Variants in SLC25A40 observed in about 807,000 individuals in gnomAD.
SLC25A40 encodes the protein solute carrier family 25 member 40.
Under a neutral mutation model 46.5 loss-of-function variants are expected in SLC25A40, and 41 were observed. The observed-to-expected ratio is 0.88, with a 90% CI of 0.69 to 1.14. The LOEUF (loss-of-function observed/expected upper bound fraction) is 1.14. Among genes scored for constraint, SLC25A40 ranks in the 50% most tolerant of loss-of-function variants. The probability of loss-of-function intolerance (pLI) is 0.00; values close to 1 mark genes in which losing one functional copy is unlikely to be tolerated. For synonymous variants in SLC25A40, 126 were observed against 127.5 expected (o/e 0.99, Z 0.08); for missense variants, 386 against 393.6 (o/e 0.98, Z 0.16).
In SLC25A40 at chr7:87,834,800, A is replaced by G. The variant is rs1838235340; in HGVS notation, c.*1449T>C. On this transcript the variant is annotated 3_prime_UTR_variant, in exon 12 of 12. Coordinates refer to ENST00000341119, the MANE Select transcript of SLC25A40 (RefSeq NM_018843.4). ...ATTTAGAAGCACAGTGATGATTTTA[A>G]GAAGCCATAAAACATTTTAATGAAA... is the stretch of plus-strand genomic sequence containing the variant. 2 of 151,448 alleles carry G rather than the reference A, an allele frequency of 1.3e-5. No individual in the cohort carries two copies. The highest frequency in any genetic ancestry group is 4.9e-5 in the African/African-American group (2 of 41,152). 9.4% of individuals were successfully genotyped at this position (151,448 alleles called of 1,614,324 possible). A position where few individuals can be genotyped will look rare whatever the true frequency, so the allele number is the denominator to read the frequency against.
At chr7:87,844,878 T>A (rs949075555) in intron 8 of SLC25A40, among the ~76,000 whole-genome samples, 1 of 152,112 alleles carries the variant, frequency 6.6e-6, no homozygotes, top group African/African-American at 2.4e-5. Flanking sequence ...CTTGAATCTC[T>A]CCTAAAACAA....
chr7:87,848,948 A>G (rs1242898200), intron 6 of SLC25A40, among the ~76,000 whole-genome samples: 1 of 152,302 alleles, frequency 6.6e-6, no homozygotes, highest in Admixed American at 6.5e-5. Context: ...AAATTGACTA[A>G]TTTCCTCCAT....
intron 6 of SLC25A40, 65 bp from the exon 7 acceptor site, chr7:87,848,042 A>G (rs750860121): frequency 1.2e-5 from 18 of 1,514,974 alleles, no homozygotes; most frequent in Non-Finnish European, 1.6e-5. Flanking sequence ...CTTAACTTAA[A>G]TTCAAATATT....
chr7:87,862,160 T>C (rs948666615), intron 1 of SLC25A40, among the ~76,000 whole-genome samples: 7 of 152,192 alleles, frequency 4.6e-5, no homozygotes, highest in Non-Finnish European at 1.0e-4. Context: ...AACCTACTTA[T>C]CTTTTTTCTG....
At chr7:87,872,036 G>T (rs1006215537) in intron 1 of SLC25A40, among the ~76,000 whole-genome samples, 6 of 152,118 alleles carry the variant, frequency 3.9e-5, no homozygotes, top group African/African-American at 1.4e-4. Context: ...ATTTATTAAA[G>T]ATCTTAATAA....
Position 87,835,460 on chromosome 7 carries a change from A to T in SLC25A40, c.*789T>A, listed in dbSNP as rs1339324046. On this transcript the variant is annotated 3_prime_UTR_variant, in exon 12 of 12. Coordinates refer to ENST00000341119, the MANE Select transcript of SLC25A40 (RefSeq NM_018843.4). Reference sequence around the variant, plus strand: ...AATCAGAGGCTATTCCTGTGTGCAAACTATTTTTACCAGTCTAAATACTAT... The same window carrying T: ...AATCAGAGGCTATTCCTGTGTGCAATCTATTTTTACCAGTCTAAATACTAT... 1.3e-5 allele frequency: 2 copies of T among 151,616 alleles called. No homozygotes were observed. Among genetic ancestry groups the T allele is most frequent in the Non-Finnish European group, 3.0e-5 (2 of 67,698 alleles). The allele number at this position is 151,616 out of a possible 1,614,324, so 9.4% of individuals were successfully genotyped here. A position where few individuals can be genotyped will look rare whatever the true frequency, so the allele number is the denominator to read the frequency against.
intron 9 of SLC25A40, among the ~76,000 whole-genome samples, chr7:87,843,356 G>A (rs889314925): frequency 6.6e-6 from 1 of 151,990 alleles, no homozygotes; most frequent in East Asian, 1.9e-4. Flanking sequence ...AGGACAAAAT[G>A]TTTCCAAAGA....
At chr7:87,845,265 T>C (rs959529713) in intron 8 of SLC25A40, among the ~76,000 whole-genome samples, 6 of 152,174 alleles carry the variant, frequency 3.9e-5, no homozygotes, top group Non-Finnish European at 5.9e-5. Context: ...CAATTATGGT[T>C]ATTCAATAGA....
Position 87,866,259 on chromosome 7 carries a change from A to G in SLC25A40, c.-93-5619T>C, listed in dbSNP as rs559672612. 6.6e-5 allele frequency among the ~76,000 whole-genome samples: 10 copies of G among 152,216 alleles called. No homozygotes were observed. In the South Asian group the frequency reaches 1.5e-3, roughly 22 times the overall value. On this transcript the variant is annotated intron_variant, in intron 1 of 11. Coordinates refer to ENST00000341119, the MANE Select transcript of SLC25A40 (RefSeq NM_018843.4). Reference sequence around the variant, plus strand: ...TGAATCCTCCTAGCTTTTGTCTAGGAAAGACTTTATCTGGCCTTCACATTT... The same window carrying G: ...TGAATCCTCCTAGCTTTTGTCTAGGGAAGACTTTATCTGGCCTTCACATTT...
intron 1 of SLC25A40, among the ~76,000 whole-genome samples, chr7:87,874,304 C>T (rs1562752640): frequency 6.6e-6 from 1 of 152,104 alleles, no homozygotes; most frequent in Admixed American, 6.5e-5. Context: ...TTCACAAGAC[C>T]ATAAAATGGG....
At chr7:87,863,419 G>A (rs1202557096) in intron 1 of SLC25A40, among the ~76,000 whole-genome samples, 1 of 151,918 alleles carries the variant, frequency 6.6e-6, no homozygotes, top group Non-Finnish European at 1.5e-5. Flanking sequence ...CTGCCACCAT[G>A]TGAAGGACAT....
In SLC25A40 at chr7:87,836,782, C is replaced by G; in HGVS notation, c.852G>C (p.Trp284Cys). The change falls in exon 11 of 12, where the codon TGG becomes TGC. Residue 284 changes from tryptophan (W) to cysteine (C), a missense_variant. Physicochemically the swap from Trp to Cys is radical, Grantham distance 215 (BLOSUM62 -2). Coordinates refer to ENST00000341119, the MANE Select transcript of SLC25A40 (RefSeq NM_018843.4). Reference sequence around the variant, plus strand: ...TAGCAACAATGTTCTTCATTATAATCCAGGTTGACATATGCAAAGGCATAG... The same window carrying G: ...TAGCAACAATGTTCTTCATTATAATGCAGGTTGACATATGCAAAGGCATAG... ...KISMPLHMST[W>C]IIMKNIVAKN... is the part of the protein sequence containing the mutation. The G allele has an allele frequency of 6.5e-7, 1 of 1,530,020 alleles. No individual in the cohort carries two copies. The allele number at this position is 1,530,020 out of a possible 1,614,324, so 94.8% of individuals were successfully genotyped here. A position where few individuals can be genotyped will look rare whatever the true frequency, so the allele number is the denominator to read the frequency against.
intron 1 of SLC25A40, among the ~76,000 whole-genome samples, chr7:87,862,037 G>C (rs10237201): frequency 0.11 from 16,097 of 151,634 alleles, 1,079 homozygotes; most frequent in African/African-American, 0.19. Context: ...AAGGCAAAAC[G>C]CTACTCCCAG....
At position 87,864,628 on chromosome 7, in the gene SLC25A40, C is replaced by A. The variant is rs74771386; in HGVS notation, c.-93-3988G>T. Among the ~76,000 whole-genome samples, 834 of 152,294 alleles carry A rather than the reference C, an allele frequency of 5.5e-3. 27 individuals carry two copies. The East Asian group carries it at 0.085, about 16-fold the overall frequency. On this transcript the variant is annotated intron_variant, in intron 1 of 11. Coordinates refer to ENST00000341119, the MANE Select transcript of SLC25A40 (RefSeq NM_018843.4). ...CCTATTTTACATATGCATAGCTAGT[C>A]CAGATCCTTTTTGGTTTCCACTCGC... is the stretch of plus-strand genomic sequence containing the variant.
chr7:87,849,824 T>C, intron 6 of SLC25A40, 57 bp downstream of exon 6: 2 of 1,245,882 alleles, frequency 1.6e-6, no homozygotes, highest in Non-Finnish European at 2.3e-6. Flanking sequence ...ACCATGCTGA[T>C]TATAGGATAA....
At chr7:87,858,416 T>C (rs886229134) in intron 3 of SLC25A40, among the ~76,000 whole-genome samples, 1 of 152,220 alleles carries the variant, frequency 6.6e-6, no homozygotes, top group Non-Finnish European at 1.5e-5. Flanking sequence ...CTTGCTAGTT[T>C]TGCAGCTCAG....
At chr7:87,870,238 TGTC>T (rs1338778711) in intron 1 of SLC25A40, among the ~76,000 whole-genome samples, 1 of 151,852 alleles carries the variant, frequency 6.6e-6, no homozygotes, top group Non-Finnish European at 1.5e-5. Flanking sequence ...TTTTGTGGGC[TGTC>T]TTTTCACTTT....
rs141781975 is a variant in SLC25A40 at position 87,858,677 on chromosome 7, T to C, written c.51A>G (p.Gln17=). 2.5e-6 allele frequency: 4 copies of C among 1,613,190 alleles called. No individual in the cohort carries two copies. The highest frequency in any genetic ancestry group is 1.3e-5 in the African/African-American group (1 of 75,042). Residue 17 remains glutamine (Q), a synonymous_variant, in exon 3 of 12, where the codon CAA becomes CAG. Coordinates refer to ENST00000341119, the MANE Select transcript of SLC25A40 (RefSeq NM_018843.4). ...CTCCAGTACATGAGGCAAGCATTTG[T>C]TGAAGAGGTGTCACTTTGATAATCT... ...GQEIIKVTPL[Q]QMLASCTGAI... is the part of the protein sequence containing the mutation.
chr7:87,839,826 T>C (rs1838305250), intron 10 of SLC25A40, among the ~76,000 whole-genome samples: 1 of 151,786 alleles, frequency 6.6e-6, no homozygotes, highest in Admixed American at 6.6e-5. Context: ...ACAGATCATA[T>C]ACTTGCATGG....
Sources: allele counts gnomAD v4.1 joint callset (sites outside exome capture counted in the v4.1 genomes callset), GRCh38; gene constraint gnomAD v4.1.1; transcripts MANE v1.5; gene names NCBI Gene and HGNC (gene_info 2026-07-23, HGNC 2026-07-21).